MSANTD1: variants seen among roughly 807,000 people sequenced by gnomAD.
MSANTD1 encodes myb/SANT-like DNA-binding domain-containing protein 1.
In MSANTD1, 7 loss-of-function variants were observed where a neutral mutation model predicts 24.2. That is an observed-to-expected ratio of 0.29 (90% CI 0.16 to 0.54). The LOEUF is 0.54. Ranked by LOEUF, MSANTD1 falls within the 20% of genes least tolerant of loss-of-function variation. The pLI is 0.94. For missense variants in MSANTD1, 384 were observed against 408.2 expected (o/e 0.94, Z 0.51); for synonymous variants, 177 against 181.1 (o/e 0.98, Z 0.18).
upstream of MSANTD1, chr4:3,248,020 G>C (rs1477009844): frequency 6.6e-6 from 1 of 152,372 alleles, no homozygotes; most frequent in African/African-American, 2.4e-5. Flanking sequence ...GGGCAGGGGG[G>C]TGCCTGCTGT....
At position 3,249,435 on chromosome 4, in the gene MSANTD1, C is replaced by G. The variant is rs143238822; in HGVS notation, c.213C>G (p.Asn71Lys). The change falls in exon 1 of 3, where the codon AAC becomes AAG. Residue 71 changes from asparagine (N) to lysine (K), a missense_variant. Coordinates refer to ENST00000438480, the MANE Select transcript of MSANTD1 (RefSeq NM_001042690.2). ...ACGAGCTCAAGCAGACCAAGCGCAA[C>G]GCCAAGGTGTACGAGAAGATGGCCA... ...FFDELKQTKR[N>K]AKVYEKMASK... The G allele has an allele frequency of 1.2e-6, 2 of 1,609,874 alleles. No individual in the cohort carries two copies. Among genetic ancestry groups the G allele is most frequent in the Non-Finnish European group, 1.7e-6 (2 of 1,178,996 alleles).
At chr4:3,252,877 C>T (rs1007996617) in intron 1 of MSANTD1, among the ~76,000 whole-genome samples, 1 of 152,240 alleles carries the variant, frequency 6.6e-6, no homozygotes, top group Admixed American at 6.5e-5. Flanking sequence ...AGTATTTGCT[C>T]ATTGCAGAGA....
intron 1 of MSANTD1, among the ~76,000 whole-genome samples, chr4:3,250,275 A>G (rs1038999117): frequency 6.6e-6 from 1 of 152,186 alleles, no homozygotes; most frequent in Non-Finnish European, 1.5e-5. Flanking sequence ...TGCTCCTGCT[A>G]CATGGCAGGT....
intron 2 of MSANTD1, among the ~76,000 whole-genome samples, chr4:3,254,497 C>G (rs1421727087): frequency 1.3e-5 from 2 of 152,224 alleles, no homozygotes; most frequent in Non-Finnish European, 2.9e-5. Flanking sequence ...GGGGGCTGCC[C>G]TCCCTGATCA....
chr4:3,252,318 C>T lies in MSANTD1; in HGVS notation c.321-889C>T, dbSNP rs991901080. 2.6e-5 allele frequency among the ~76,000 whole-genome samples: 4 copies of T among 152,326 alleles called. No individual in the cohort carries two copies. In the East Asian group the frequency reaches 7.7e-4, roughly 29 times the overall value. ...TGACCTCCCAGAGGGCAGCCGAGGC[C>T]CAGGGGAGGCCTGGGGACTTAGCCT... On this transcript the variant is annotated intron_variant, in intron 1 of 2. Coordinates refer to ENST00000438480, the MANE Select transcript of MSANTD1 (RefSeq NM_001042690.2).
chr4:3,246,798 C>A, upstream of MSANTD1: 1 of 580,550 alleles, frequency 1.7e-6, no homozygotes, highest in Admixed American at 2.9e-5. Flanking sequence ...TGTGAGGGCT[C>A]TGCCTCGGGA....
chr4:3,253,446 C>T lies in MSANTD1; in HGVS notation c.560C>T (p.Ser187Phe). ...SYEGRFEDDR[S>F]DSSSSLLSLK... is the part of the protein sequence containing the mutation. Reference sequence around the variant, plus strand: ...GAAGGCCGCTTCGAGGATGATCGCTCCGACAGCTCCTCCAGCTTACTGTCC... The same window carrying T: ...GAAGGCCGCTTCGAGGATGATCGCTTCGACAGCTCCTCCAGCTTACTGTCC... The change falls in exon 2 of 3, where the codon TCC becomes TTC. Residue 187 changes from serine (S) to phenylalanine (F), a missense_variant. Transcript: ENST00000438480. 6.3e-6 allele frequency: 10 copies of T among 1,576,658 alleles called. No individual in the cohort carries two copies. Among genetic ancestry groups the T allele is most frequent in the Non-Finnish European group, 8.6e-6 (10 of 1,157,092 alleles).
chr4:3,254,356 T>C (rs1722322731), intron 2 of MSANTD1, among the ~76,000 whole-genome samples: 1 of 152,188 alleles, frequency 6.6e-6, no homozygotes, highest in South Asian at 2.1e-4. Context: ...ATTGAAGACC[T>C]GAGACAAAAA....
Position 3,255,841 on chromosome 4 carries a change from A to G in MSANTD1, c.713A>G (p.Glu238Gly). The G allele has an allele frequency of 6.5e-7, 1 of 1,545,658 alleles. No homozygotes were observed. Residue 238 changes from glutamate (E) to glycine (G), a missense_variant, in exon 3 of 3, where the codon GAG becomes GGG. By Grantham distance (98) the Glu-to-Gly change is moderately conservative (BLOSUM62 -2). Transcript: ENST00000438480. Reference sequence around the variant, plus strand: ...CAGCGCCGGCTGAGCCGCGCCGTGGAGGAGACCTGCCGCGAGGTGCGCCGC... The same window carrying G: ...CAGCGCCGGCTGAGCCGCGCCGTGGGGGAGACCTGCCGCGAGGTGCGCCGC... ...EEQRRLSRAV[E>G]ETCREVRRVL...
At chr4:3,245,829 C>T (rs1241370848), upstream of MSANTD1, among the ~76,000 whole-genome samples, 2 of 152,218 alleles carry the variant, frequency 1.3e-5, no homozygotes, top group Non-Finnish European at 2.9e-5. Flanking sequence ...GCTTTCTCCA[C>T]CCTACACCAG....
chr4:3,253,932 G>A (rs1014954191), intron 2 of MSANTD1, among the ~76,000 whole-genome samples: 1 of 152,300 alleles, frequency 6.6e-6, no homozygotes, highest in East Asian at 1.9e-4. Context: ...CACTGGGGAG[G>A]GTGTCGGGCT....
upstream of MSANTD1, among the ~76,000 whole-genome samples, chr4:3,246,405 G>A (rs762269350): frequency 3.9e-5 from 6 of 152,216 alleles, no homozygotes; most frequent in Non-Finnish European, 8.8e-5. Flanking sequence ...TGTCAGGCAG[G>A]GCAGAAAATC....
chr4:3,246,812 G>A (rs362291), upstream of MSANTD1: 2,409 of 574,884 alleles, frequency 4.2e-3, 49 homozygotes, highest in African/African-American at 0.042. Flanking sequence ...CTCGGGAAAG[G>A]CCATGGAGCT....
intron 1 of MSANTD1, among the ~76,000 whole-genome samples, chr4:3,252,299 C>T (rs1722252248): frequency 6.6e-6 from 1 of 152,242 alleles, no homozygotes; most frequent in African/African-American, 2.4e-5. Flanking sequence ...GCCTTGACCT[C>T]CCAGAGGGCA....
Position 3,256,061 on chromosome 4 carries a change from C to T in MSANTD1, c.*96C>T. ...TCAGGCCAGGCGGGCAAGGGGGCCG[C>T]CCCGCGAGCGGAGACCGCCTTCCAC... On this transcript the variant is annotated 3_prime_UTR_variant, in exon 3 of 3. Transcript: ENST00000438480. 7.3e-7 allele frequency: 1 copy of T among 1,376,082 alleles called. No homozygotes were observed. The highest frequency in any genetic ancestry group is 9.4e-7 in the Non-Finnish European group (1 of 1,063,914). 85.2% of individuals were successfully genotyped at this position (1,376,082 alleles called of 1,614,324 possible).
chr4:3,246,589 G>A, upstream of MSANTD1: 1 of 663,952 alleles, frequency 1.5e-6, no homozygotes, highest in Non-Finnish European at 2.7e-6. Flanking sequence ...TTCTCCCTCA[G>A]GTGCTGCTGG....
intron 2 of MSANTD1, 126 bp downstream of exon 2, chr4:3,253,608 C>T: frequency 2.0e-6 from 2 of 1,020,920 alleles, no homozygotes; most frequent in Admixed American, 3.0e-5. Context: ...TGGCTGCGGG[C>T]AGCGCCTCCA....
At chr4:3,245,682 C>G (rs866266589), upstream of MSANTD1, among the ~76,000 whole-genome samples, 1 of 152,204 alleles carries the variant, frequency 6.6e-6, no homozygotes, top group Non-Finnish European at 1.5e-5. Flanking sequence ...TTTGGGAAAC[C>G]ATGTGGACAT....
At position 3,255,806 on chromosome 4, in the gene MSANTD1, G is replaced by A. The variant is rs771027968; in HGVS notation, c.678G>A (p.Met226Ile). The A allele has an allele frequency of 1.3e-6, 2 of 1,546,756 alleles. No individual in the cohort carries two copies. The highest frequency in any genetic ancestry group is 1.2e-5 in the South Asian group (1 of 83,950). ...AGCAGCTGCGGCTGCTGGAGGCCAT[G>A]GTGGAGGAGCAGCGCCGGCTGAGCC... is the stretch of plus-strand genomic sequence containing the variant. ...QKKQLRLLEA[M>I]VEEQRRLSRA... The change falls in exon 3 of 3, where the codon ATG (methionine) becomes ATA (isoleucine). Residue 226 changes from methionine (M) to isoleucine (I), a missense_variant. By Grantham distance (10) the Met-to-Ile change is conservative. Transcript: ENST00000438480.
Sources: allele counts gnomAD v4.1 joint callset (sites outside exome capture counted in the v4.1 genomes callset), GRCh38; gene constraint gnomAD v4.1.1; transcripts MANE v1.5; gene names NCBI Gene and HGNC (gene_info 2026-07-23, HGNC 2026-07-21).